Variants in KIAA0825 observed in about 807,000 individuals in gnomAD.
KIAA0825 encodes the protein uncharacterized protein KIAA0825.
In KIAA0825, 119 loss-of-function variants were observed where a neutral mutation model predicts 147.6. The ratio of observed to expected loss-of-function variants is 0.81; its 90% CI spans 0.69 to 0.94. The LOEUF (loss-of-function observed/expected upper bound fraction) is 0.94. Among genes scored for constraint, KIAA0825 ranks in the 40% least tolerant of loss-of-function variants. The probability of loss-of-function intolerance (pLI) is 0.00; values close to 1 mark genes in which losing one functional copy is unlikely to be tolerated. For missense variants in KIAA0825, 1,381 were observed against 1,472.7 expected (o/e 0.94, Z 1.02); for synonymous variants, 470 against 518.1 (o/e 0.91, Z 1.26).
chr5:94,589,929 A>G (rs1210683580), intron 1 of KIAA0825, among the ~76,000 whole-genome samples: 1 of 151,896 alleles, frequency 6.6e-6, no homozygotes, highest in Non-Finnish European at 1.5e-5. Context: ...ATCAGCCAAC[A>G]TGATCTCTCG....
At chr5:94,424,862 CT>C (rs1754644679) in intron 14 of KIAA0825, among the ~76,000 whole-genome samples, 1 of 152,086 alleles carries the variant, frequency 6.6e-6, no homozygotes. Context: ...TTATGAATAG[CT>C]ATACAGCAAC....
intron 20 of KIAA0825, among the ~76,000 whole-genome samples, chr5:94,168,206 GT>G (rs574248690): frequency 3.9e-5 from 6 of 151,912 alleles, no homozygotes; most frequent in Non-Finnish European, 8.8e-5. Flanking sequence ...CCAAGATTTT[GT>G]TATATGATTA....
At chr5:94,577,892 T>G (rs1781368196) in intron 2 of KIAA0825, among the ~76,000 whole-genome samples, 1 of 152,258 alleles carries the variant, frequency 6.6e-6, no homozygotes, top group African/African-American at 2.4e-5. Flanking sequence ...GCATGTATAT[T>G]TAAAATTACA....
chr5:94,545,063 G>A (rs1022669041), intron 2 of KIAA0825, among the ~76,000 whole-genome samples: 2 of 152,082 alleles, frequency 1.3e-5, no homozygotes, highest in Admixed American at 1.3e-4. Flanking sequence ...ACTGGGGTGG[G>A]GGTTGGGGGG....
chr5:94,220,406 G>A (rs978243379), intron 20 of KIAA0825, among the ~76,000 whole-genome samples: 21 of 152,048 alleles, frequency 1.4e-4, no homozygotes, highest in African/African-American at 3.9e-4. Flanking sequence ...AATGAAAGTA[G>A]AGTGAAGGAA....
At chr5:94,223,827 A>T (rs1258032514) in intron 20 of KIAA0825, among the ~76,000 whole-genome samples, 9 of 152,150 alleles carry the variant, frequency 5.9e-5, no homozygotes, top group African/African-American at 2.2e-4. Context: ...ATGTTTTCTA[A>T]TGGAAGACAT....
At chr5:94,427,804 A>G (rs1755086743) in intron 14 of KIAA0825, among the ~76,000 whole-genome samples, 1 of 152,096 alleles carries the variant, frequency 6.6e-6, no homozygotes, top group Non-Finnish European at 1.5e-5. Flanking sequence ...ATAGGTCTAG[A>G]TATGAAACAT....
At chr5:94,555,110 C>A (rs1776303067) in intron 2 of KIAA0825, among the ~76,000 whole-genome samples, 1 of 151,782 alleles carries the variant, frequency 6.6e-6, no homozygotes, top group Non-Finnish European at 1.5e-5. Flanking sequence ...ACATAAAAAA[C>A]AACATCATCG....
chr5:94,282,769 G>A lies in KIAA0825; in HGVS notation c.3710+101599C>T, dbSNP rs555189530. Reference sequence around the variant, plus strand: ...AGAAATGTTTGTAGGAATGATCAAGGACAGGCAAATAACTTTGACTTTAAT... The same window carrying A: ...AGAAATGTTTGTAGGAATGATCAAGAACAGGCAAATAACTTTGACTTTAAT... On this transcript the variant is annotated intron_variant, in intron 20 of 20. Transcript: ENST00000682413. Among the ~76,000 whole-genome samples the A allele has an allele frequency of 7.2e-4, 109 of 151,992 alleles. No homozygotes were observed. The Middle Eastern group carries it at 0.017, about 24-fold the overall frequency.
intron 20 of KIAA0825, among the ~76,000 whole-genome samples, chr5:94,373,231 C>A (rs1746983139): frequency 6.6e-6 from 1 of 152,142 alleles, no homozygotes; most frequent in Admixed American, 6.5e-5. Flanking sequence ...TAAACTGTTC[C>A]AACGTCTGCC....
chr5:94,391,349 G>A (rs182096178), intron 18 of KIAA0825, among the ~76,000 whole-genome samples, 186 bp downstream of exon 18: 8 of 152,182 alleles, frequency 5.3e-5, no homozygotes, highest in South Asian at 2.1e-4. Context: ...ACATTGTTTC[G>A]GTGAAGCTTT....
In KIAA0825 at chr5:94,333,170, G is replaced by C. The variant is rs186513108; in HGVS notation, c.3710+51198C>G. Among the ~76,000 whole-genome samples the C allele has an allele frequency of 5.3e-5, 8 of 152,240 alleles. No homozygotes were observed. The East Asian group carries it at 1.5e-3, about 29-fold the overall frequency. On this transcript the variant is annotated intron_variant, in intron 20 of 20. Coordinates refer to ENST00000682413, the MANE Select transcript of KIAA0825 (RefSeq NM_001145678.3). ...GATTGGAAAAATTTTCTCCCATTTT[G>C]TAGGTTGTCTGCTCTCCCTGATGAC...
chr5:94,515,621 G>A (rs977321323), intron 5 of KIAA0825, among the ~76,000 whole-genome samples: 19 of 151,820 alleles, frequency 1.3e-4, no homozygotes, highest in Non-Finnish European at 1.9e-4. Flanking sequence ...GTGAAATCCC[G>A]TCTCTACTAA....
At chr5:94,500,749 T>G (rs930166125) in intron 5 of KIAA0825, among the ~76,000 whole-genome samples, 2 of 152,162 alleles carry the variant, frequency 1.3e-5, no homozygotes, top group Non-Finnish European at 2.9e-5. Flanking sequence ...CTCCGGATAC[T>G]TTATTATTTT....
At chr5:94,450,331 A>G (rs1758244306) in intron 13 of KIAA0825, among the ~76,000 whole-genome samples, 1 of 148,546 alleles carries the variant, frequency 6.7e-6, no homozygotes, top group African/African-American at 2.5e-5. Flanking sequence ...AATAATTGTT[A>G]ATTCCCTGCA....
intron 20 of KIAA0825, among the ~76,000 whole-genome samples, chr5:94,246,982 T>C (rs921492055): frequency 7.2e-5 from 11 of 152,172 alleles, no homozygotes; most frequent in Non-Finnish European, 2.9e-5. Context: ...TTCTCTCCTC[T>C]CTTTATTGTC....
At chr5:94,554,716 C>CTATATA (rs70978114) in intron 2 of KIAA0825, among the ~76,000 whole-genome samples, 128 of 67,084 alleles carry the variant, frequency 1.9e-3, no homozygotes, top group Non-Finnish European at 2.3e-3. Flanking sequence ...GTTCTGTGTA[C>CTATATA]TATATATATA....
intron 5 of KIAA0825, among the ~76,000 whole-genome samples, chr5:94,509,950 A>G (rs1245529223): frequency 6.6e-6 from 1 of 152,184 alleles, no homozygotes; most frequent in Non-Finnish European, 1.5e-5. Context: ...TGCACTACAA[A>G]AAGAATGTTA....
In KIAA0825 at chr5:94,454,923, C is replaced by T. The variant is rs550634474; in HGVS notation, c.2247-1854G>A. On this transcript the variant is annotated intron_variant, in intron 12 of 20. Transcript: ENST00000682413. ...ACGAACAATATTCATCTCCTAATGA[C>T]ATGGAGTTGGTGATGGCATGAATGG... Among the ~76,000 whole-genome samples, 15 of 152,134 alleles carry T rather than the reference C, an allele frequency of 9.9e-5. No individual in the cohort carries two copies. The East Asian group carries it at 2.9e-3, about 29-fold the overall frequency.
Sources: allele counts gnomAD v4.1 joint callset (sites outside exome capture counted in the v4.1 genomes callset), GRCh38; gene constraint gnomAD v4.1.1; transcripts MANE v1.5; gene names NCBI Gene and HGNC (gene_info 2026-07-23, HGNC 2026-07-21).